The following HDAC4 variants were observed in gnomAD, a reference collection of about 807,000 sequenced individuals.
HDAC4 encodes histone deacetylase A.
Under a neutral mutation model 135.1 loss-of-function variants are expected in HDAC4, and 16 were observed. That is an observed-to-expected ratio of 0.12 (90% CI 0.08 to 0.18). The LOEUF (loss-of-function observed/expected upper bound fraction) is 0.18, where lower values mean the gene tolerates loss of function less well. Among genes scored for constraint, HDAC4 ranks in the 10% least tolerant of loss-of-function variants. The probability of loss-of-function intolerance (pLI) is 1.00; values close to 1 mark genes in which losing one functional copy is unlikely to be tolerated. For synonymous variants in HDAC4, 685 were observed against 653.4 expected (o/e 1.05, Z -0.74); for missense variants, 1,143 against 1,511.8 (o/e 0.76, Z 4.05).
rs145045094 is a variant in HDAC4 at position 239,290,741 on chromosome 2, C to T, written c.23-54077G>A. Among the ~76,000 whole-genome samples the T allele has an allele frequency of 6.5e-3, 990 of 152,268 alleles. 55 individuals are homozygous for T. The highest frequency in any genetic ancestry group is 0.058 in the Admixed American group (886 of 15,296). ...ATACGCACTCACGTACGCACACACGCGCACGCACTCACACACACACCACAC... is the reference window on the plus strand; with the variant it reads ...ATACGCACTCACGTACGCACACACGTGCACGCACTCACACACACACCACAC... On this transcript the variant is annotated intron_variant, in intron 2 of 26. Transcript: ENST00000543185.
intron 2 of HDAC4, among the ~76,000 whole-genome samples, chr2:239,321,294 T>C (rs1021313453): frequency 6.6e-6 from 1 of 151,778 alleles, no homozygotes; most frequent in Non-Finnish European, 1.5e-5. Flanking sequence ...TGAAACCCCG[T>C]CTCTACTAAA....
At chr2:239,197,100 ACT>A (rs1282211953) in intron 3 of HDAC4, among the ~76,000 whole-genome samples, 1 of 151,614 alleles carries the variant, frequency 6.6e-6, no homozygotes, top group Non-Finnish European at 1.5e-5. Context: ...TTATTTTCTC[ACT>A]CTGCAGAACT....
At position 239,115,178 on chromosome 2, in the gene HDAC4, G is replaced by A. The variant is rs148758723; in HGVS notation, c.1666C>T (p.His556Tyr). 7.0e-5 allele frequency: 113 copies of A among 1,611,136 alleles called. No individual in the cohort carries two copies. Among genetic ancestry groups the A allele is most frequent in the Non-Finnish European group, 8.6e-5 (101 of 1,179,932 alleles). The change falls in exon 13 of 27, where the codon CAC becomes TAC. Residue 556 changes from histidine to tyrosine, a missense_variant. Coordinates refer to ENST00000543185, the MANE Select transcript of HDAC4 (RefSeq NM_001378414.1). The surrounding 1 kb of genome is among the most constrained non-coding windows in gnomAD (Gnocchi z 6.3). The part of the protein sequence containing the change: ...LDRLPGQKEA[H>Y]AQAGVQVKQE... ...TTCACCTGCACGCCGGCCTGTGCGT[G>A]CGCCTCCTTCTGCCCCGGCAGCCGG... is the stretch of plus-strand genomic sequence containing the variant.
intron 2 of HDAC4, among the ~76,000 whole-genome samples, chr2:239,336,135 T>C (rs1691919695): frequency 6.6e-6 from 1 of 152,206 alleles, no homozygotes; most frequent in Non-Finnish European, 1.5e-5. Flanking sequence ...AGAATAAGTA[T>C]TACGTGATTT....
At chr2:239,274,508 T>C (rs1407904452) in intron 2 of HDAC4, among the ~76,000 whole-genome samples, 1 of 152,160 alleles carries the variant, frequency 6.6e-6, no homozygotes, top group African/African-American at 2.4e-5. Context: ...GCCACAGCCA[T>C]GACTAACTAG....
chr2:239,178,020 C>A (rs1243586684), intron 4 of HDAC4, among the ~76,000 whole-genome samples: 1 of 152,224 alleles, frequency 6.6e-6, no homozygotes, highest in Non-Finnish European at 1.5e-5. Context: ...CCCGCACGTC[C>A]TTCCGCTCCT....
At chr2:239,080,954 G>A (rs1315682141) in intron 22 of HDAC4, 141 bp downstream of exon 22, 4 of 637,536 alleles carry the variant, frequency 6.3e-6, no homozygotes, top group South Asian at 5.6e-5. Context: ...AGAATGAACT[G>A]AGACAGCTCC....
chr2:239,357,440 A>G (rs1693562836), intron 1 of HDAC4, among the ~76,000 whole-genome samples: 1 of 144,362 alleles, frequency 6.9e-6, no homozygotes, highest in Non-Finnish European at 1.5e-5. Flanking sequence ...AGAACAAATT[A>G]AACTCAAAAT....
chr2:239,302,667 C>T (rs2052338761), intron 2 of HDAC4, among the ~76,000 whole-genome samples: 1 of 152,214 alleles, frequency 6.6e-6, no homozygotes, highest in Non-Finnish European at 1.5e-5. Context: ...GAGCCAGGAC[C>T]CAGTCCAAGA....
chr2:239,254,184 T>C (rs188807338), intron 2 of HDAC4, among the ~76,000 whole-genome samples: 14 of 151,542 alleles, frequency 9.2e-5, no homozygotes, highest in East Asian at 2.0e-4. Flanking sequence ...CAAAGAAAAA[T>C]AGCTCCTTAG....
At chr2:239,231,246 G>A (rs2047534676) in intron 3 of HDAC4, among the ~76,000 whole-genome samples, 2 of 152,204 alleles carry the variant, frequency 1.3e-5, no homozygotes, top group Admixed American at 1.3e-4. Flanking sequence ...AGGAAACCGT[G>A]GAACGTGCTT....
chr2:239,216,033 T>TA (rs2046612829), intron 3 of HDAC4, among the ~76,000 whole-genome samples: 1 of 152,316 alleles, frequency 6.6e-6, no homozygotes, highest in South Asian at 2.1e-4. Flanking sequence ...CTAATTTGTT[T>TA]AAAAAATCAA....
intron 2 of HDAC4, among the ~76,000 whole-genome samples, chr2:239,276,309 G>A (rs1050689238): frequency 3.9e-5 from 6 of 152,202 alleles, no homozygotes; most frequent in Non-Finnish European, 7.3e-5. Context: ...GCGTCAAGTC[G>A]TGGTCCCGCC....
intron 3 of HDAC4, among the ~76,000 whole-genome samples, chr2:239,191,438 AGG>A: frequency 6.6e-6 from 1 of 152,222 alleles, no homozygotes; most frequent in Non-Finnish European, 1.5e-5. Flanking sequence ...AACAGCCCAT[AGG>A]TGGCAGCTGC....
chr2:239,146,698 C>A lies in HDAC4; in HGVS notation c.734-1984G>T, dbSNP rs1360566645. On this transcript the variant is annotated intron_variant, in intron 7 of 26. Transcript: ENST00000543185. This position sits in a 1 kb window ranked among gnomAD's most constrained non-coding sequence, Gnocchi z 4.5. ...TGGTGGCTGCTTCACCCCACCCCTT[C>A]CCTCCACTCCCCTCCCCTTCCCTCC... Among the ~76,000 whole-genome samples, 2 of 146,494 alleles carry A rather than the reference C, an allele frequency of 1.4e-5. No homozygotes were observed. Among genetic ancestry groups the A allele is most frequent in the African/African-American group, 2.5e-5 (1 of 40,304 alleles).
chr2:239,093,156 C>T (rs574124452), intron 17 of HDAC4, among the ~76,000 whole-genome samples: 3 of 152,296 alleles, frequency 2.0e-5, no homozygotes, highest in South Asian at 2.1e-4. Flanking sequence ...AGAGGAGCAA[C>T]GCAGGAGCTG....
At chr2:239,064,684 G>A (rs764655205) in intron 24 of HDAC4, among the ~76,000 whole-genome samples, 3 of 152,244 alleles carry the variant, frequency 2.0e-5, no homozygotes, top group Non-Finnish European at 4.4e-5. Flanking sequence ...CTGCTTCCCA[G>A]GGACAGACGG....
intron 16 of HDAC4, 169 bp downstream of exon 16, chr2:239,102,607 C>T: frequency 1.4e-6 from 1 of 709,182 alleles, no homozygotes; most frequent in South Asian, 1.8e-5. Context: ...CGTTCATCAA[C>T]AACCAGTGGC....
intron 2 of HDAC4, among the ~76,000 whole-genome samples, chr2:239,348,726 G>T (rs1692901445): frequency 6.6e-6 from 1 of 152,206 alleles, no homozygotes; most frequent in Non-Finnish European, 1.5e-5. Flanking sequence ...GGCCGGGCAA[G>T]GGGCGTAAGG....
Sources: allele counts gnomAD v4.1 joint callset (sites outside exome capture counted in the v4.1 genomes callset), GRCh38; gene constraint gnomAD v4.1.1; non-coding constraint Gnocchi (gnomAD v3.1); transcripts MANE v1.5; gene names NCBI Gene and HGNC (gene_info 2026-07-23, HGNC 2026-07-21).